The following NEK11 variants were observed in gnomAD, a reference collection of about 807,000 sequenced individuals.
The protein encoded by NEK11 is NIMA related kinase 11, also known as serine/threonine-protein kinase Nek11.
In NEK11, 72 loss-of-function variants were observed where a neutral mutation model predicts 80.7. That is an observed-to-expected ratio of 0.89 (90% CI 0.74 to 1.08). NEK11 has a LOEUF of 1.08. NEK11 is among the 50% of genes least tolerant of loss of function. NEK11 has a pLI of 0.00. For synonymous variants in NEK11, 251 were observed against 260.7 expected, an observed-to-expected ratio of 0.96 and a Z score of 0.36; for missense variants, 764 against 763.6, an observed-to-expected ratio of 1.00 and a Z score of -0.01.
rs186580882 is a variant in NEK11, at chr3:131,336,515, C to T, written c.1719-13042C>T. On this transcript the variant is annotated intron_variant, in intron 17 of 17. Coordinates refer to ENST00000383366, the MANE Select transcript of NEK11 (RefSeq NM_024800.5). ...CATTAGACCTGAAACCATAAAAACC[C>T]TAGAAGAAAACCTAGGTATTACCAT... Among the ~76,000 whole-genome samples the T allele has an allele frequency of 2.4e-3, 366 of 152,242 alleles. 2 individuals carry two copies. Among genetic ancestry groups the T allele is most frequent in the Non-Finnish European group, 3.7e-3 (251 of 68,016 alleles).
chr3:131,332,742 C>T (rs2097112777), intron 17 of NEK11, among the ~76,000 whole-genome samples: 1 of 151,964 alleles, frequency 6.6e-6, no homozygotes. Flanking sequence ...GAATGTATAA[C>T]TAGAATAACC....
intron 16 of NEK11, among the ~76,000 whole-genome samples, chr3:131,266,072 AT>A (rs555468732): frequency 9.2e-4 from 140 of 152,176 alleles, no homozygotes; most frequent in African/African-American, 3.2e-3. Context: ...CCCCTTTATC[AT>A]TTTTTATTGT....
intron 3 of NEK11, among the ~76,000 whole-genome samples, chr3:131,036,983 G>A (rs1191000665): frequency 1.3e-5 from 2 of 152,138 alleles, no homozygotes; most frequent in Non-Finnish European, 2.9e-5. Context: ...CTCTTTAAAA[G>A]CATCATTTTT....
At chr3:131,284,248 C>T (rs575800619) in intron 17 of NEK11, among the ~76,000 whole-genome samples, 5 of 152,266 alleles carry the variant, frequency 3.3e-5, no homozygotes, top group African/African-American at 9.6e-5. Flanking sequence ...TTCTCTGAAG[C>T]GGAGGTTCAC....
chr3:131,090,408 A>C (rs2076557607), intron 4 of NEK11, among the ~76,000 whole-genome samples: 1 of 152,230 alleles, frequency 6.6e-6, no homozygotes, highest in African/African-American at 2.4e-5. Context: ...AGCTGTATAG[A>C]CTTAGGGCAA....
intron 14 of NEK11, among the ~76,000 whole-genome samples, chr3:131,222,087 T>C (rs2095044393): frequency 6.6e-6 from 1 of 152,100 alleles, no homozygotes; most frequent in Non-Finnish European, 1.5e-5. Context: ...CAAAAGTCTA[T>C]CCCTTGTTGT....
intron 10 of NEK11, among the ~76,000 whole-genome samples, chr3:131,157,727 T>A (rs890472558): frequency 4.6e-5 from 7 of 152,174 alleles, no homozygotes; most frequent in Non-Finnish European, 8.8e-5. Flanking sequence ...AAGGTGGGAA[T>A]CCTGTATGGG....
chr3:131,133,199 G>T lies in NEK11; in HGVS notation c.520+390G>T, dbSNP rs905075966. 3.8e-5 allele frequency: 17 copies of T among 451,870 alleles called. 1 individual carries two copies. The highest frequency in any genetic ancestry group is 2.2e-4 in the African/African-American group (11 of 49,912). The allele number at this position is 451,870 out of a possible 1,614,324, so 28.0% of individuals were successfully genotyped here. A position where few individuals can be genotyped will look rare whatever the true frequency, so the allele number is the denominator to read the frequency against. On this transcript the variant is annotated intron_variant, in intron 6 of 17. Coordinates refer to ENST00000383366, the MANE Select transcript of NEK11 (RefSeq NM_024800.5). ...ATTATTTCATCACAAGCAATAAGTG[G>T]TTATAGATAATGAAAATGTTGATAT...
At chr3:131,329,184 A>G (rs1424846862) in intron 17 of NEK11, 1 of 152,258 alleles carries the variant, frequency 6.6e-6, no homozygotes, top group Non-Finnish European at 1.5e-5. Context: ...AATGATGAAT[A>G]TATCATAAGA....
intron 7 of NEK11, among the ~76,000 whole-genome samples, chr3:131,146,862 C>T (rs781629261): frequency 2.0e-5 from 3 of 151,836 alleles, no homozygotes; most frequent in Non-Finnish European, 4.4e-5. Flanking sequence ...AGTCTTTTGC[C>T]CATTTTTCTA....
chr3:131,107,270 G>A (rs979366700), intron 4 of NEK11, among the ~76,000 whole-genome samples: 2 of 151,886 alleles, frequency 1.3e-5, no homozygotes, highest in Non-Finnish European at 2.9e-5. Context: ...TTTTGTACAT[G>A]GAGAAAATTG....
chr3:131,214,926 C>T (rs761381970), intron 14 of NEK11, among the ~76,000 whole-genome samples: 8 of 152,080 alleles, frequency 5.3e-5, no homozygotes, highest in Non-Finnish European at 1.0e-4. Context: ...ATGCTGTAGG[C>T]TAAGCTAATC....
chr3:131,203,761 GTGTGTGTATATATATA>G (rs2094340643), intron 14 of NEK11, among the ~76,000 whole-genome samples: 10 of 33,924 alleles, frequency 2.9e-4, no homozygotes, highest in African/African-American at 1.1e-3. Context: ...GTGTGTGTGT[GTGTGTGTATATATATA>G]TATATATATA....
intron 3 of NEK11, among the ~76,000 whole-genome samples, chr3:131,060,778 G>C (rs2070706859): frequency 6.6e-6 from 1 of 151,980 alleles, no homozygotes; most frequent in African/African-American, 2.4e-5. Flanking sequence ...AGTGTATGAG[G>C]GTTTTAATTT....
intron 5 of NEK11, among the ~76,000 whole-genome samples, chr3:131,113,180 G>T (rs1056547504): frequency 6.6e-6 from 1 of 152,102 alleles, no homozygotes; most frequent in Non-Finnish European, 1.5e-5. Flanking sequence ...TGAACCTGAG[G>T]TTTTGTGCCT....
rs542390797 is a variant in NEK11, at chr3:131,026,901, C to G, written c.-275C>G. 2 of 152,370 alleles carry G rather than the reference C, an allele frequency of 1.3e-5. No homozygotes were observed. The highest frequency in any genetic ancestry group is 1.3e-4 in the Admixed American group (2 of 15,308). The allele number at this position is 152,370 out of a possible 1,614,324, so 9.4% of individuals were successfully genotyped here. ...CACGGTTCCAAACAGCCGTGGCCCG[C>G]GGTGTCTGGCGCTCGGTGGGTGTGG... On this transcript the variant is annotated 5_prime_UTR_variant, in exon 1 of 18. Coordinates refer to ENST00000383366, the MANE Select transcript of NEK11 (RefSeq NM_024800.5).
intron 16 of NEK11, among the ~76,000 whole-genome samples, chr3:131,272,493 T>TTTTTTTTA (rs2096214989): frequency 8.1e-6 from 1 of 123,014 alleles, no homozygotes; most frequent in Non-Finnish European, 1.6e-5. Flanking sequence ...TTTTTTTTTT[T>TTTTTTTTA]GAGACAGAGC....
chr3:131,056,172 TTCTG>T lies in NEK11; in HGVS notation c.171-24243_171-24240del, dbSNP rs1254463546. On this transcript the variant is annotated intron_variant, in intron 3 of 17. Coordinates refer to ENST00000383366, the MANE Select transcript of NEK11 (RefSeq NM_024800.5). ...TTTCACTTTCAGGTCTCTGGGCTGG[TTCTG>T]TCTGTCTCTGCCTCATTGTGTGTTT... is the stretch of plus-strand genomic sequence containing the variant. Among the ~76,000 whole-genome samples the T allele has an allele frequency of 2.6e-5, 4 of 152,184 alleles. No homozygotes were observed. The East Asian group carries it at 7.7e-4, about 29-fold the overall frequency.
chr3:131,189,208 C>A (rs181530619), intron 14 of NEK11, among the ~76,000 whole-genome samples: 1 of 152,136 alleles, frequency 6.6e-6, no homozygotes, highest in Non-Finnish European at 1.5e-5. Flanking sequence ...GACTTCTGAC[C>A]TCCAGAATTG....
Sources: gnomAD v4.1 joint callset for allele counts (sites outside exome capture counted in the v4.1 genomes callset) on GRCh38, gnomAD v4.1.1 for gene constraint, MANE v1.5 for transcripts, NCBI Gene and HGNC (gene_info 2026-07-23, HGNC 2026-07-21) for gene names.